GALNT13: variants seen among roughly 807,000 people sequenced by gnomAD.
GALNT13 encodes UDP-GalNAc:polypeptide N-acetylgalactosaminyltransferase 13.
GALNT13 carries 28 observed loss-of-function variants against 64.2 expected under a neutral mutation model. The ratio of observed to expected loss-of-function variants is 0.44; its 90% CI spans 0.32 to 0.60. The LOEUF is 0.60. GALNT13 is among the 20% of genes least tolerant of loss of function. The probability of loss-of-function intolerance (pLI) is 0.05; values close to 1 mark genes in which losing one functional copy is unlikely to be tolerated. For synonymous variants in GALNT13, 214 were observed against 224.6 expected, an observed-to-expected ratio of 0.95 and a Z score of 0.42; for missense variants, 577 against 669.8, an observed-to-expected ratio of 0.86 and a Z score of 1.53.
the GALNT13 span, chr2:153,477,746 CA>C: frequency 6.4e-6 from 1 of 157,134 alleles, no homozygotes; most frequent in East Asian, 1.9e-4. Flanking sequence ...CCCTCCAGGG[CA>C]GGGGGGGAGC....
At chr2:154,150,222 G>T (rs1402712444) in intron 4 of GALNT13, among the ~76,000 whole-genome samples, 2 of 152,146 alleles carry the variant, frequency 1.3e-5, no homozygotes, top group African/African-American at 4.8e-5. Flanking sequence ...TTATATACTG[G>T]ATTACATTTA....
the GALNT13 span, among the ~76,000 whole-genome samples, chr2:153,251,755 G>A: frequency 9.9e-5 from 15 of 151,466 alleles, no homozygotes; most frequent in Non-Finnish European, 2.1e-4. Flanking sequence ...TTTACTGAGA[G>A]TGATGATTTC....
chr2:154,143,510 C>T (rs1683385860), intron 4 of GALNT13, among the ~76,000 whole-genome samples: 2 of 151,558 alleles, frequency 1.3e-5, no homozygotes, highest in South Asian at 4.2e-4. Flanking sequence ...AAAAATAAGT[C>T]TTCACTGAGC....
At chr2:153,676,084 T>TACAAC in the GALNT13 span, among the ~76,000 whole-genome samples, 1 of 151,982 alleles carries the variant, frequency 6.6e-6, no homozygotes, top group Admixed American at 6.6e-5. Flanking sequence ...AATTAGTTTT[T>TACAAC]TGAAAGATCA....
chr2:154,362,859 T>A (rs1287594432), intron 9 of GALNT13, among the ~76,000 whole-genome samples: 1 of 152,156 alleles, frequency 6.6e-6, no homozygotes, highest in Non-Finnish European at 1.5e-5. Flanking sequence ...GGCTCAATAA[T>A]TAGCGTAGGT....
chr2:154,071,641 G>T (rs1700746121), intron 3 of GALNT13, among the ~76,000 whole-genome samples: 1 of 152,098 alleles, frequency 6.6e-6, no homozygotes, highest in African/African-American at 2.4e-5. Context: ...TGGTGTGTTT[G>T]CTGTAATTCA....
chr2:154,455,817 G>T (rs1702025358), downstream of GALNT13, among the ~76,000 whole-genome samples: 1 of 152,156 alleles, frequency 6.6e-6, no homozygotes, highest in Non-Finnish European at 1.5e-5. Flanking sequence ...TGAAATACTG[G>T]TGAATTCAGG....
chr2:153,642,763 T>C, the GALNT13 span, among the ~76,000 whole-genome samples: 1 of 151,822 alleles, frequency 6.6e-6, no homozygotes, highest in African/African-American at 2.4e-5. Flanking sequence ...GAACCCACAA[T>C]TAAAGCACAT....
the GALNT13 span, among the ~76,000 whole-genome samples, chr2:153,076,007 A>G: frequency 6.6e-6 from 1 of 152,102 alleles, no homozygotes; most frequent in Non-Finnish European, 1.5e-5. Flanking sequence ...TGGTGTATTA[A>G]ATCAGTCTGC....
At chr2:153,325,271 T>A in the GALNT13 span, among the ~76,000 whole-genome samples, 10 of 152,204 alleles carry the variant, frequency 6.6e-5, no homozygotes, top group African/African-American at 2.4e-4. Context: ...CTAGATTTTC[T>A]AGTTTATGTG....
At chr2:153,436,256 C>T in the GALNT13 span, among the ~76,000 whole-genome samples, 14 of 152,152 alleles carry the variant, frequency 9.2e-5, no homozygotes, top group African/African-American at 3.1e-4. Context: ...ATTTTTGCAT[C>T]GATGTTCATC....
At chr2:153,438,769 G>C in the GALNT13 span, among the ~76,000 whole-genome samples, 2 of 151,936 alleles carry the variant, frequency 1.3e-5, no homozygotes, top group Non-Finnish European at 2.9e-5. Flanking sequence ...CATTGGTTCA[G>C]ACTTCCTCCT....
At chr2:153,770,295 G>A in the GALNT13 span, among the ~76,000 whole-genome samples, 43 of 152,044 alleles carry the variant, frequency 2.8e-4, no homozygotes, top group African/African-American at 1.0e-3. Context: ...AATGTATGTT[G>A]TCTATGGTCC....
intron 2 of GALNT13, among the ~76,000 whole-genome samples, chr2:153,921,026 A>C (rs919887478): frequency 2.6e-5 from 4 of 152,184 alleles, no homozygotes; most frequent in African/African-American, 9.6e-5. Flanking sequence ...ATTGCTGATG[A>C]GCATGTAAAT....
the GALNT13 span, among the ~76,000 whole-genome samples, chr2:153,559,639 A>G: frequency 4.6e-5 from 7 of 152,072 alleles, no homozygotes; most frequent in Non-Finnish European, 8.8e-5. Flanking sequence ...AGTGCATTTA[A>G]GTAGTATCAG....
At chr2:153,958,349 A>G (rs1354075848) in intron 3 of GALNT13, among the ~76,000 whole-genome samples, 1 of 152,178 alleles carries the variant, frequency 6.6e-6, no homozygotes, top group Non-Finnish European at 1.5e-5. Flanking sequence ...GAGCCAGTAA[A>G]GGTCTATAAA....
At chr2:154,104,599 G>C (rs1558959730) in intron 3 of GALNT13, among the ~76,000 whole-genome samples, 1 of 152,178 alleles carries the variant, frequency 6.6e-6, no homozygotes, top group Admixed American at 6.5e-5. Context: ...CTCTTTTGAA[G>C]ACTTGGACTT....
the GALNT13 span, among the ~76,000 whole-genome samples, chr2:153,505,015 A>G: frequency 6.6e-6 from 1 of 151,976 alleles, no homozygotes; most frequent in African/African-American, 2.4e-5. Flanking sequence ...CTGGTCCTGG[A>G]CTTTTTTATT....
the GALNT13 span, among the ~76,000 whole-genome samples, chr2:153,865,026 C>A: frequency 6.7e-6 from 1 of 149,762 alleles, no homozygotes; most frequent in Admixed American, 6.7e-5. Context: ...ACTATCTGAT[C>A]TTTGACAAAC....
Sources: gnomAD v4.1 joint callset for allele counts (sites outside exome capture counted in the v4.1 genomes callset) on GRCh38, gnomAD v4.1.1 for gene constraint, MANE v1.5 for transcripts, NCBI Gene and HGNC (gene_info 2026-07-23, HGNC 2026-07-21) for gene names.